Variants in TRAP1 observed in about 807,000 individuals in gnomAD.
TRAP1 encodes the protein heat shock protein 75 kDa, mitochondrial.
A neutral mutation model predicts 89.1 loss-of-function variants in TRAP1; 102 were observed. The observed-to-expected ratio is 1.15, with a 90% CI of 0.98 to 1.35. TRAP1 has a LOEUF of 1.35. TRAP1 is among the 40% of genes most tolerant of loss of function. The pLI is 0.00. For missense variants in TRAP1, 1,256 were observed against 945.3 expected, an observed-to-expected ratio of 1.33 and a Z score of -4.31; for synonymous variants, 508 against 388.0, an observed-to-expected ratio of 1.31 and a Z score of -3.64.
At chr16:3,675,494 G>T (rs2050977669) in intron 7 of TRAP1, 97 bp from the exon 8 acceptor site, 1 of 1,196,628 alleles carries the variant, frequency 8.4e-7, no homozygotes, top group Non-Finnish European at 1.2e-6. Context: ...CTGCTGGGAA[G>T]GGTCCTCCAT....
chr16:3,687,883 A>AAAC (rs5815178), intron 3 of TRAP1, among the ~76,000 whole-genome samples: 4 of 150,016 alleles, frequency 2.7e-5, no homozygotes, highest in Non-Finnish European at 4.4e-5. Flanking sequence ...AAAAACAAAA[A>AAAC]CCCACACAAT....
At chr16:3,672,656 C>T in intron 10 of TRAP1, 44 bp downstream of exon 10, 1 of 1,579,032 alleles carries the variant, frequency 6.3e-7, no homozygotes, top group Non-Finnish European at 8.6e-7. Context: ...CAGCGGGCGA[C>T]ACTGGGCCAC....
At chr16:3,700,427 A>G (rs1013778077) in intron 1 of TRAP1, among the ~76,000 whole-genome samples, 2 of 150,910 alleles carry the variant, frequency 1.3e-5, no homozygotes, top group Non-Finnish European at 2.9e-5. Context: ...TCGGCCTCCC[A>G]AAGTGCTAGG....
intron 1 of TRAP1, among the ~76,000 whole-genome samples, chr16:3,711,636 C>CA (rs998579321): frequency 7.9e-5 from 12 of 151,198 alleles, no homozygotes; most frequent in East Asian, 1.9e-4. Context: ...AAAACAAAAA[C>CA]AAAAAAAACA....
intron 1 of TRAP1, among the ~76,000 whole-genome samples, chr16:3,694,858 G>A (rs894447953): frequency 1.3e-5 from 2 of 152,172 alleles, no homozygotes; most frequent in Non-Finnish European, 2.9e-5. Flanking sequence ...TACAGTAACA[G>A]ACACTTATTC....
At chr16:3,659,790 C>A (rs1045991227) in intron 16 of TRAP1, 1 of 152,112 alleles carries the variant, frequency 6.6e-6, no homozygotes, top group Non-Finnish European at 1.5e-5. Context: ...GACTCTCACT[C>A]CTTCACCCAA....
chr16:3,700,086 G>A (rs1277954154), intron 1 of TRAP1, among the ~76,000 whole-genome samples: 1 of 152,072 alleles, frequency 6.6e-6, no homozygotes, highest in Non-Finnish European at 1.5e-5. Flanking sequence ...GAAAAAGCTT[G>A]TATTTCTCAG....
Position 3,658,101 on chromosome 16 carries a change from G to T in TRAP1, c.*28C>A. 1 of 1,611,746 alleles carries T rather than the reference G, an allele frequency of 6.2e-7. No individual in the cohort carries two copies. The highest frequency in any genetic ancestry group is 8.5e-7 in the Non-Finnish European group (1 of 1,178,006). The stretch of plus-strand genomic sequence containing the variant: ...TCAAGGAGGTGGGGCTGTCATCTGT[G>T]GTGTCAGTCCTTCTGGCCCCCTGGC... On this transcript the variant is annotated 3_prime_UTR_variant, in exon 18 of 18. Coordinates refer to ENST00000246957, the MANE Select transcript of TRAP1 (RefSeq NM_016292.3).
intron 4 of TRAP1, among the ~76,000 whole-genome samples, chr16:3,681,461 C>T (rs2051072388): frequency 6.6e-6 from 1 of 152,236 alleles, no homozygotes; most frequent in African/African-American, 2.4e-5. Context: ...CCACCAGTTA[C>T]TGCAGTGCAC....
At chr16:3,674,283 G>A (rs2050955996) in intron 9 of TRAP1, 56 bp downstream of exon 9, 5 of 1,595,376 alleles carry the variant, frequency 3.1e-6, no homozygotes, top group African/African-American at 2.7e-5. Context: ...CAGAGCTGAT[G>A]CCACAGGGGA....
chr16:3,693,592 G>A (rs1029521052), intron 1 of TRAP1, among the ~76,000 whole-genome samples: 2 of 152,112 alleles, frequency 1.3e-5, no homozygotes, highest in Non-Finnish European at 2.9e-5. Context: ...CTCACCATTT[G>A]TGTAAAAGAA....
At chr16:3,697,535 G>A (rs934176940) in intron 1 of TRAP1, among the ~76,000 whole-genome samples, 1 of 151,386 alleles carries the variant, frequency 6.6e-6, no homozygotes. Context: ...GTAGTGGTGG[G>A]CGCCTGTAGT....
chr16:3,703,798 G>A (rs1327461233), intron 1 of TRAP1, among the ~76,000 whole-genome samples: 2 of 149,670 alleles, frequency 1.3e-5, no homozygotes, highest in Non-Finnish European at 3.0e-5. Flanking sequence ...GGCAGATCAC[G>A]AGGTCAGGAG....
At chr16:3,666,150 A>T in intron 11 of TRAP1, 32 bp from the exon 12 acceptor site, 1 of 1,594,852 alleles carries the variant, frequency 6.3e-7, no homozygotes, top group Middle Eastern at 1.7e-4. Flanking sequence ...AATACATACA[A>T]GCAGCCTCTA....
chr16:3,677,446 A>T lies in TRAP1; in HGVS notation c.704+52T>A. The T allele has an allele frequency of 4.3e-6, 7 of 1,611,890 alleles. No individual in the cohort carries two copies. The South Asian group carries it at 7.7e-5, about 18-fold the overall frequency. ...TCCATCCCTTTCCAAACTCCATGCT[A>T]AGGGCTCCAGCTCAGCTTTGAGCTG... On this transcript the variant is annotated intron_variant, in intron 6 of 17. Coordinates refer to ENST00000246957, the MANE Select transcript of TRAP1 (RefSeq NM_016292.3).
chr16:3,716,823 G>A (rs1054384990), intron 1 of TRAP1, among the ~76,000 whole-genome samples: 5 of 152,176 alleles, frequency 3.3e-5, no homozygotes, highest in African/African-American at 1.2e-4. Context: ...GGACACAGCT[G>A]CGTCAACGAC....
intron 1 of TRAP1, among the ~76,000 whole-genome samples, chr16:3,700,116 G>T (rs1354761066): frequency 1.3e-5 from 2 of 152,020 alleles, no homozygotes; most frequent in African/African-American, 4.8e-5. Context: ...TTGAAGACAG[G>T]AACATCCATA....
chr16:3,663,229 C>T, intron 14 of TRAP1, 195 bp downstream of exon 14: 1 of 732,924 alleles, frequency 1.4e-6, no homozygotes, highest in Non-Finnish European at 2.2e-6. Context: ...GTGGCAGGAG[C>T]ACTGGACAGA....
intron 1 of TRAP1, among the ~76,000 whole-genome samples, chr16:3,694,002 A>C (rs1323508962): frequency 8.3e-5 from 1 of 12,062 alleles, no homozygotes; most frequent in Non-Finnish European, 1.2e-4. Context: ...CTCTGTCTCA[A>C]AAAAAAAAAA....
Sources: allele counts gnomAD v4.1 joint callset (sites outside exome capture counted in the v4.1 genomes callset), GRCh38; gene constraint gnomAD v4.1.1; transcripts MANE v1.5; gene names NCBI Gene and HGNC (gene_info 2026-07-23, HGNC 2026-07-21).